The following CCSER1 variants were observed in gnomAD, a reference collection of about 807,000 sequenced individuals.
CCSER1 encodes coiled-coil serine rich protein 1.
CCSER1 carries 41 observed loss-of-function variants against 82.0 expected under a neutral mutation model. The observed-to-expected ratio is 0.50, with a 90% CI of 0.39 to 0.65. CCSER1 has a LOEUF of 0.65. Among genes scored for constraint, CCSER1 ranks in the 30% least tolerant of loss-of-function variants. The pLI is 0.00. For synonymous variants in CCSER1, 414 were observed against 383.9 expected (o/e 1.08, Z -0.92); for missense variants, 1,119 against 1,064.2 (o/e 1.05, Z -0.72).
chr4:90,819,931 G>C (rs1311772117), intron 8 of CCSER1, among the ~76,000 whole-genome samples: 3 of 152,156 alleles, frequency 2.0e-5, no homozygotes, highest in Admixed American at 6.5e-5. Flanking sequence ...GAAACTAATT[G>C]GAGAAAACGA....
intron 10 of CCSER1, among the ~76,000 whole-genome samples, chr4:91,542,074 TG>T (rs1206221967): frequency 6.6e-6 from 1 of 152,188 alleles, no homozygotes; most frequent in Non-Finnish European, 1.5e-5. Flanking sequence ...TTGATGGGGT[TG>T]TTTGATTTTT....
At chr4:91,332,313 T>C (rs540825132) in intron 10 of CCSER1, among the ~76,000 whole-genome samples, 83 of 152,062 alleles carry the variant, frequency 5.5e-4, no homozygotes, top group Non-Finnish European at 9.0e-4. Flanking sequence ...TTGATAATAT[T>C]ATCCCTCTCA....
chr4:91,238,574 G>A (rs1739199079), intron 10 of CCSER1, among the ~76,000 whole-genome samples: 1 of 152,112 alleles, frequency 6.6e-6, no homozygotes, highest in Admixed American at 6.6e-5. Context: ...AACACAAGGA[G>A]TCCACTGCCT....
chr4:90,173,323 C>A (rs1170706295), intron 1 of CCSER1, among the ~76,000 whole-genome samples: 2 of 143,544 alleles, frequency 1.4e-5, no homozygotes, highest in African/African-American at 5.4e-5. Context: ...TATTGATCTG[C>A]AATTGTGTTT....
chr4:90,492,274 A>AT (rs1450933967), intron 5 of CCSER1, among the ~76,000 whole-genome samples: 4 of 151,776 alleles, frequency 2.6e-5, no homozygotes, highest in South Asian at 4.2e-4. Flanking sequence ...GAATTTATCC[A>AT]TTTTTTCTAG....
At chr4:90,333,293 A>G (rs1377390746) in intron 3 of CCSER1, among the ~76,000 whole-genome samples, 1 of 152,178 alleles carries the variant, frequency 6.6e-6, no homozygotes, top group Non-Finnish European at 1.5e-5. Flanking sequence ...CACAGTTGTA[A>G]CCGGGAGTGG....
At chr4:91,145,140 A>C (rs1253620594) in intron 10 of CCSER1, among the ~76,000 whole-genome samples, 1 of 152,158 alleles carries the variant, frequency 6.6e-6, no homozygotes, top group African/African-American at 2.4e-5. Flanking sequence ...TGGGTCCTCC[A>C]AAACTGGGTA....
chr4:90,856,845 T>G (rs1764517752), intron 8 of CCSER1, among the ~76,000 whole-genome samples: 1 of 152,056 alleles, frequency 6.6e-6, no homozygotes, highest in Non-Finnish European at 1.5e-5. Flanking sequence ...ATTTTATCAG[T>G]GTGAACTTCC....
chr4:91,296,021 C>G (rs1431946137), intron 10 of CCSER1, among the ~76,000 whole-genome samples: 1 of 151,712 alleles, frequency 6.6e-6, no homozygotes, highest in Non-Finnish European at 1.5e-5. Flanking sequence ...GATAATGTGG[C>G]TTTTTGAAAT....
intron 8 of CCSER1, among the ~76,000 whole-genome samples, chr4:90,868,612 C>T (rs1269300820): frequency 1.3e-5 from 2 of 152,018 alleles, no homozygotes; most frequent in African/African-American, 4.8e-5. Context: ...TCGATAGACA[C>T]TTCAGTTGCT....
At chr4:91,585,358 T>C (rs1284686684) in intron 10 of CCSER1, among the ~76,000 whole-genome samples, 1 of 151,468 alleles carries the variant, frequency 6.6e-6, no homozygotes, top group Middle Eastern at 3.2e-3. Flanking sequence ...CCTTCCTTTT[T>C]TCACTCATCT....
chr4:91,145,494 G>T (rs559474554), intron 10 of CCSER1, among the ~76,000 whole-genome samples: 1 of 152,064 alleles, frequency 6.6e-6, no homozygotes, highest in Non-Finnish European at 1.5e-5. Flanking sequence ...TCCTGCTGTC[G>T]TGTTGTTAGC....
intron 6 of CCSER1, among the ~76,000 whole-genome samples, chr4:90,692,033 GTGTATATATATA>G (rs1194178699): frequency 2.9e-4 from 32 of 112,280 alleles, no homozygotes; most frequent in African/African-American, 1.0e-3. Flanking sequence ...AATTCAATGT[GTGTATATATATA>G]TATATATATA....
intron 1 of CCSER1, among the ~76,000 whole-genome samples, chr4:90,256,892 G>A (rs1723398931): frequency 6.6e-6 from 1 of 151,962 alleles, no homozygotes; most frequent in South Asian, 2.1e-4. Flanking sequence ...TTTTATTACA[G>A]TATATTGCTT....
intron 10 of CCSER1, among the ~76,000 whole-genome samples, chr4:91,312,584 G>C (rs1745560949): frequency 6.6e-6 from 1 of 151,558 alleles, no homozygotes; most frequent in Non-Finnish European, 1.5e-5. Context: ...GTGCCCTCAA[G>C]AAAAAAAGGC....
chr4:91,324,572 T>C (rs1204375199), intron 10 of CCSER1, among the ~76,000 whole-genome samples: 1 of 152,198 alleles, frequency 6.6e-6, no homozygotes, highest in Non-Finnish European at 1.5e-5. Context: ...TATATTTACA[T>C]ATATTAACAG....
In CCSER1 at chr4:90,605,448, T is replaced by A. The variant is rs1249730118; in HGVS notation, c.1725-22577T>A. ...CACGTATTAAATCTGATATATTTTA[T>A]CTCTTCACAAGTCAAAATAAACTTA... On this transcript the variant is annotated intron_variant, in intron 5 of 10. Transcript: ENST00000509176. 2.0e-5 allele frequency among the ~76,000 whole-genome samples: 3 copies of A among 152,214 alleles called. No individual in the cohort carries two copies. The East Asian group carries it at 5.8e-4, about 29-fold the overall frequency.
chr4:91,244,047 G>A (rs1453818303), intron 10 of CCSER1, among the ~76,000 whole-genome samples: 1 of 152,186 alleles, frequency 6.6e-6, no homozygotes, highest in Non-Finnish European at 1.5e-5. Context: ...CCTGAAGGGT[G>A]AGTCCCAGAC....
chr4:90,520,699 T>C (rs1310409464), intron 5 of CCSER1, among the ~76,000 whole-genome samples: 1 of 152,174 alleles, frequency 6.6e-6, no homozygotes, highest in Non-Finnish European at 1.5e-5. Context: ...GAAAGGTACT[T>C]GTATACTATG....
Sources: allele counts gnomAD v4.1 joint callset (sites outside exome capture counted in the v4.1 genomes callset), GRCh38; gene constraint gnomAD v4.1.1; transcripts MANE v1.5; gene names NCBI Gene and HGNC (gene_info 2026-07-23, HGNC 2026-07-21).